RRBP1: variants seen among roughly 807,000 people sequenced by gnomAD.
RRBP1 encodes ribosome-binding protein 1.
Under a neutral mutation model 165.2 loss-of-function variants are expected in RRBP1, and 94 were observed. That is an observed-to-expected ratio of 0.57 (90% CI 0.48 to 0.68). RRBP1 has a LOEUF of 0.68. Ranked by LOEUF, RRBP1 falls within the 30% of genes least tolerant of loss-of-function variation. The pLI, the probability that RRBP1 is intolerant of heterozygous loss-of-function variation, is 0.00. For synonymous variants in RRBP1, 680 were observed against 714.5 expected (o/e 0.95, Z 0.77); for missense variants, 1,676 against 1,763.0 (o/e 0.95, Z 0.88).
chr20:17,636,013 C>A (rs1054239559), intron 6 of RRBP1, among the ~76,000 whole-genome samples: 3 of 152,240 alleles, frequency 2.0e-5, no homozygotes, highest in Non-Finnish European at 2.9e-5. Context: ...CCGCCTCTAA[C>A]CCCCCTGAGG....
intron 1 of RRBP1, 129 bp downstream of exon 1, chr20:17,681,899 C>T (rs1369878522): frequency 6.8e-6 from 1 of 146,914 alleles, no homozygotes; most frequent in South Asian, 2.1e-4. Flanking sequence ...CGGCAGGCGG[C>T]GGGCGGCGGG....
At chr20:17,615,017 T>A in intron 23 of RRBP1, 137 bp from the exon 24 acceptor site, 2 of 982,060 alleles carry the variant, frequency 2.0e-6, no homozygotes. Flanking sequence ...CACCCGGAGA[T>A]AGGTGGTGAC....
At chr20:17,676,433 G>A (rs2037083528) in intron 2 of RRBP1, among the ~76,000 whole-genome samples, 1 of 152,138 alleles carries the variant, frequency 6.6e-6, no homozygotes, top group African/African-American at 2.4e-5. Flanking sequence ...CTGAAGCCCA[G>A]GGAGGAGAAG....
intron 3 of RRBP1, among the ~76,000 whole-genome samples, chr20:17,649,316 G>C (rs1030980865): frequency 9.2e-5 from 14 of 152,198 alleles, no homozygotes; most frequent in African/African-American, 3.4e-4. Context: ...CGGGGGCCTC[G>C]GGAGGGGCTG....
At chr20:17,671,979 G>C (rs963203357) in intron 2 of RRBP1, among the ~76,000 whole-genome samples, 3 of 152,206 alleles carry the variant, frequency 2.0e-5, no homozygotes, top group African/African-American at 7.2e-5. Context: ...GCTCTTCAAA[G>C]AAAAGGGAGC....
At chr20:17,629,194 G>A (rs748598419) in intron 9 of RRBP1, among the ~76,000 whole-genome samples, 7 of 152,248 alleles carry the variant, frequency 4.6e-5, no homozygotes, top group Non-Finnish European at 1.0e-4. Flanking sequence ...GTCCAGCCCA[G>A]CCCGGCACCC....
In RRBP1 at chr20:17,673,482, C is replaced by T. The variant is rs1364231700; in HGVS notation, c.-22+6517G>A. 2.6e-5 allele frequency among the ~76,000 whole-genome samples: 4 copies of T among 152,204 alleles called. No individual in the cohort carries two copies. The East Asian group carries it at 5.8e-4, about 22-fold the overall frequency. On this transcript the variant is annotated intron_variant, in intron 2 of 24. Coordinates refer to ENST00000377813, the MANE Select transcript of RRBP1 (RefSeq NM_001365613.2). The stretch of plus-strand genomic sequence containing the variant: ...GGAGTGCAGTGGTACGATCCCGGCT[C>T]ACTGCAACCTCCGCCTCCCGGGTTC...
At chr20:17,614,539 T>C (rs1209553793) in intron 24 of RRBP1, among the ~76,000 whole-genome samples, 198 bp downstream of exon 24, 3 of 151,908 alleles carry the variant, frequency 2.0e-5, no homozygotes, top group South Asian at 2.1e-4. Context: ...GGGTGGGTGG[T>C]GGGCCGGGTG....
At chr20:17,639,534 T>C (rs1217979633) in intron 5 of RRBP1, among the ~76,000 whole-genome samples, 2 of 152,212 alleles carry the variant, frequency 1.3e-5, no homozygotes, top group East Asian at 3.8e-4. Flanking sequence ...TGCCACACTC[T>C]CTGGAATTTA....
At chr20:17,629,125 T>G (rs182705186) in intron 9 of RRBP1, among the ~76,000 whole-genome samples, 2 of 152,366 alleles carry the variant, frequency 1.3e-5, no homozygotes, top group African/African-American at 4.8e-5. Flanking sequence ...ACAGTCCCTG[T>G]GTAGAGGGCC....
chr20:17,614,285 T>C (rs1295728882), intron 24 of RRBP1, 65 bp from the exon 25 acceptor site: 1 of 1,515,836 alleles, frequency 6.6e-7, no homozygotes. Flanking sequence ...CCACCTGCCC[T>C]CTACCCTGGG....
intron 5 of RRBP1, chr20:17,641,507 A>G (rs900878786): frequency 4.1e-6 from 2 of 489,630 alleles, no homozygotes; most frequent in African/African-American, 3.9e-5. Flanking sequence ...GTCCATCCCC[A>G]TCACAAACTG....
At chr20:17,642,271 A>G (rs1191027858) in intron 4 of RRBP1, among the ~76,000 whole-genome samples, 5 of 152,208 alleles carry the variant, frequency 3.3e-5, no homozygotes, top group Admixed American at 3.3e-4. Flanking sequence ...CTCTGGCTGC[A>G]GTATGGGGGC....
Position 17,616,064 on chromosome 20 carries a change from C to T in RRBP1, c.3868-55G>A, listed in dbSNP as rs1258600771. ...AGCCCGGTGAGGAACCCTCCAGGGG[C>T]CCAGGGATCCAGCACAGGCACCGCT... On this transcript the variant is annotated intron_variant, in intron 21 of 24. Coordinates refer to ENST00000377813, the MANE Select transcript of RRBP1 (RefSeq NM_001365613.2). 11 of 1,472,580 alleles carry T rather than the reference C, an allele frequency of 7.5e-6. No individual in the cohort carries two copies. In the East Asian group the frequency reaches 2.1e-4, roughly 28 times the overall value. 91.2% of individuals were successfully genotyped at this position (1,472,580 alleles called of 1,614,324 possible). A position where few individuals can be genotyped will look rare whatever the true frequency, so the allele number is the denominator to read the frequency against.
intron 3 of RRBP1, 61 bp downstream of exon 3, chr20:17,658,535 A>C: frequency 7.1e-7 from 1 of 1,414,682 alleles, no homozygotes; most frequent in Non-Finnish European, 9.6e-7. Flanking sequence ...CCCCGAGAGA[A>C]TCCATAAGTC....
rs372710056 is a variant in RRBP1 at position 17,615,955 on chromosome 20, G to A, written c.3922C>T (p.Arg1308Trp). ...EAILEDEQTQ[R>W]QKLTAEFEEA... The stretch of plus-strand genomic sequence containing the variant: ...TCAAACTCGGCCGTGAGCTTCTGCC[G>A]CTGTGTCTGCTCATCCTCCAGGATG... Residue 1308 changes from arginine (R) to tryptophan (W), a missense_variant, in exon 22 of 25, where the codon CGG becomes TGG. Coordinates refer to ENST00000377813, the MANE Select transcript of RRBP1 (RefSeq NM_001365613.2). 4.3e-6 allele frequency: 7 copies of A among 1,609,718 alleles called. No homozygotes were observed. The highest frequency in any genetic ancestry group is 2.7e-5 in the African/African-American group (2 of 74,944).
Position 17,659,481 on chromosome 20 carries a change from C to G in RRBP1, c.1027G>C (p.Glu343Gln). 6.5e-7 allele frequency: 1 copy of G among 1,535,972 alleles called. No individual in the cohort carries two copies. The highest frequency in any genetic ancestry group is 2.0e-5 in the Admixed American group (1 of 50,226). The change falls in exon 3 of 25, where the codon GAG becomes CAG. Residue 343 changes from glutamate to glutamine, a missense_variant. This residue lies in a region of RRBP1 where 78 missense variants were observed against 115.6 expected (regional missense o/e 0.67). Transcript: ENST00000377813. Reference protein sequence around the residue: ...EGAQNQGKKAEGAQNQGKKAE... With the variant: ...EGAQNQGKKAQGAQNQGKKAE... The stretch of plus-strand genomic sequence containing the variant: ...TTCTTGCCCTGATTCTGGGCCCCCT[C>G]GGCCTTCTTGCCCTGATTCTGGGCC...
intron 4 of RRBP1, 86 bp downstream of exon 4, chr20:17,642,893 G>A: frequency 2.2e-6 from 3 of 1,381,610 alleles, no homozygotes; most frequent in Non-Finnish European, 3.0e-6. Flanking sequence ...TCCTATGAAT[G>A]TCCTCTCTGT....
intron 6 of RRBP1, 92 bp downstream of exon 6, chr20:17,636,485 T>C (rs1264583520): frequency 6.8e-7 from 1 of 1,469,850 alleles, no homozygotes; most frequent in African/African-American, 1.4e-5. Context: ...CCCCTCCTCA[T>C]GCCTCACCCT....
Sources: allele counts gnomAD v4.1 joint callset (sites outside exome capture counted in the v4.1 genomes callset), GRCh38; gene constraint gnomAD v4.1.1; regional missense constraint gnomAD v4.1.1; transcripts MANE v1.5; gene names NCBI Gene and HGNC (gene_info 2026-07-23, HGNC 2026-07-21).